GNE: variants seen among roughly 807,000 people sequenced by gnomAD.
GNE encodes the protein glucosamine (UDP-N-acetyl)-2-epimerase/N-acetylmannosamine kinase.
GNE carries 41 observed loss-of-function variants against 61.8 expected under a neutral mutation model. The observed-to-expected ratio is 0.66, with a 90% confidence interval of 0.52 to 0.86. The LOEUF (loss-of-function observed/expected upper bound fraction) is 0.86, where lower values mean the gene tolerates loss of function less well. GNE is among the 40% of genes least tolerant of loss of function. The pLI, the probability that GNE is intolerant of heterozygous loss-of-function variation, is 0.00. For missense variants in GNE, 608 were observed against 909.1 expected (o/e 0.67, Z 4.26); for synonymous variants, 264 against 326.4 (o/e 0.81, Z 2.06).
intron 9 of GNE, among the ~76,000 whole-genome samples, chr9:36,220,422 G>A (rs1381352983): frequency 6.6e-6 from 1 of 152,194 alleles, no homozygotes; most frequent in Non-Finnish European, 1.5e-5. Flanking sequence ...ACCTGCAACC[G>A]AGGCAAGGCA....
chr9:36,250,806 G>A (rs1458488403), intron 1 of GNE, among the ~76,000 whole-genome samples: 1 of 152,110 alleles, frequency 6.6e-6, no homozygotes, highest in South Asian at 2.1e-4. Context: ...TCAGCCTCCC[G>A]AGTAGCTGGG....
chr9:36,236,179 A>G (rs2133075491), intron 4 of GNE, among the ~76,000 whole-genome samples: 1 of 152,230 alleles, frequency 6.6e-6, no homozygotes, highest in Admixed American at 6.5e-5. Context: ...TGGAATCACT[A>G]CTTTTCTAGA....
chr9:36,239,465 CTT>C (rs1829544034), intron 3 of GNE, among the ~76,000 whole-genome samples: 1 of 151,376 alleles, frequency 6.6e-6, no homozygotes. Flanking sequence ...ATCTTTCTTT[CTT>C]TTTCTCTCTT....
At chr9:36,231,882 T>C (rs1829169249) in intron 5 of GNE, among the ~76,000 whole-genome samples, 1 of 152,244 alleles carries the variant, frequency 6.6e-6, no homozygotes, top group Non-Finnish European at 1.5e-5. Context: ...CTTTGATATC[T>C]AATAGGCATC....
Position 36,240,913 on chromosome 9 carries a change from T to G in GNE, c.617-3929A>C, listed in dbSNP as rs555801482. On this transcript the variant is annotated intron_variant, in intron 3 of 11. Coordinates refer to ENST00000642385, the MANE Select transcript of GNE (RefSeq NM_005476.7). ...ATTTTTCCAGGAATTTGTCCATCTCTTCTAGGTTTTCTAGTTTATGTGTGT... is the reference window on the plus strand; with the variant it reads ...ATTTTTCCAGGAATTTGTCCATCTCGTCTAGGTTTTCTAGTTTATGTGTGT... Among the ~76,000 whole-genome samples the G allele has an allele frequency of 5.9e-5, 9 of 152,302 alleles. No homozygotes were observed. In the South Asian group the frequency reaches 6.2e-4, roughly 11 times the overall value.
In GNE at chr9:36,223,298, C is replaced by T. The variant is rs192091370; in HGVS notation, c.1411+75G>A. Reference sequence around the variant, plus strand: ...ACAGGGCAGACACTGACTTGATGCTCAGGCATGCATCACAAGTTAGTAAAT... The same window carrying T: ...ACAGGGCAGACACTGACTTGATGCTTAGGCATGCATCACAAGTTAGTAAAT... On this transcript the variant is annotated intron_variant, in intron 8 of 11. Coordinates refer to ENST00000642385, the MANE Select transcript of GNE (RefSeq NM_005476.7). 529 of 1,324,334 alleles carry T rather than the reference C, an allele frequency of 4.0e-4. 2 individuals are homozygous for T. Among genetic ancestry groups the T allele is most frequent in the Admixed American group, 6.4e-4 (38 of 59,538 alleles). The allele number at this position is 1,324,334 out of a possible 1,614,324, so 82.0% of individuals were successfully genotyped here. A position where few individuals can be genotyped will look rare whatever the true frequency, so the allele number is the denominator to read the frequency against.
At chr9:36,250,135 A>G (rs1830059484) in intron 1 of GNE, among the ~76,000 whole-genome samples, 1 of 152,174 alleles carries the variant, frequency 6.6e-6, no homozygotes, top group South Asian at 2.1e-4. Context: ...CCATCACTTT[A>G]TAGAAAGGGA....
At position 36,216,009 on chromosome 9, in the gene GNE, G is replaced by T. The variant is rs921104780; in HGVS notation, c.*1356C>A. The stretch of plus-strand genomic sequence containing the variant: ...GCTGTCCTAAGAAGATAAGGACAAG[G>T]TCACTAAGGCCACTGTAATTTAGAT... On this transcript the variant is annotated 3_prime_UTR_variant, in exon 12 of 12. Coordinates refer to ENST00000642385, the MANE Select transcript of GNE (RefSeq NM_005476.7). 1 of 289,656 alleles carries T rather than the reference G, an allele frequency of 3.5e-6. No homozygotes were observed. Among genetic ancestry groups the T allele is most frequent in the Non-Finnish European group, 6.9e-6 (1 of 143,944 alleles). 17.9% of individuals were successfully genotyped at this position (289,656 alleles called of 1,614,324 possible).
chr9:36,239,472 T>C lies in GNE; in HGVS notation c.617-2488A>G, dbSNP rs540324412. On this transcript the variant is annotated intron_variant, in intron 3 of 11. Coordinates refer to ENST00000642385, the MANE Select transcript of GNE (RefSeq NM_005476.7). ...TTCTTTCTATCTTTCTTTCTTTTTCTCTCTTTTTTTTTTCTTTTTGATGTA... is the reference window on the plus strand; with the variant it reads ...TTCTTTCTATCTTTCTTTCTTTTTCCCTCTTTTTTTTTTCTTTTTGATGTA... Among the ~76,000 whole-genome samples, 3 of 151,898 alleles carry C rather than the reference T, an allele frequency of 2.0e-5. No homozygotes were observed. In the East Asian group the frequency reaches 5.8e-4, roughly 29 times the overall value.
In GNE at chr9:36,249,269, C is replaced by A; in HGVS notation, c.87G>T (p.Met29Ile). 1 of 1,614,192 alleles carries A rather than the reference C, an allele frequency of 6.2e-7. No individual in the cohort carries two copies. The highest frequency in any genetic ancestry group is 8.5e-7 in the Non-Finnish European group (1 of 1,180,020). ...RADYSKLAPI[M>I]FGIKTEPEFF... ...ACTCAGGTTCGGTTTTAATGCCAAA[C>A]ATGATCGGGGCAAGTTTAGAATAAT... is the stretch of plus-strand genomic sequence containing the variant. The change falls in exon 2 of 12, where the codon ATG becomes ATT. Residue 29 changes from methionine to isoleucine, a missense_variant. Coordinates refer to ENST00000642385, the MANE Select transcript of GNE (RefSeq NM_005476.7).
intron 3 of GNE, among the ~76,000 whole-genome samples, chr9:36,243,891 A>C (rs1829752195): frequency 6.6e-6 from 1 of 151,914 alleles, no homozygotes; most frequent in African/African-American, 2.4e-5. Flanking sequence ...GATTAAAAAT[A>C]TACAAAATCT....
At chr9:36,227,488 T>C (rs1828932634) in intron 6 of GNE, 30 bp from the exon 7 acceptor site, 1 of 1,338,374 alleles carries the variant, frequency 7.5e-7, no homozygotes, top group Non-Finnish European at 1.1e-6. Context: ...AATTAAATTA[T>C]ATGCTTCTGC....
intron 1 of GNE, among the ~76,000 whole-genome samples, chr9:36,274,785 C>T (rs187006026): frequency 4.8e-4 from 73 of 151,496 alleles, no homozygotes; most frequent in African/African-American, 1.6e-3. Flanking sequence ...TGCCGTGGCG[C>T]GATCTCTGTT....
At chr9:36,249,060 G>A (rs925713044) in intron 2 of GNE, 132 bp downstream of exon 2, 8 of 719,360 alleles carry the variant, frequency 1.1e-5, no homozygotes, top group East Asian at 7.9e-5. Flanking sequence ...GAGATGCTAA[G>A]TGACTACTCT....
upstream of GNE, chr9:36,263,217 C>T: frequency 6.5e-6 from 1 of 154,760 alleles, no homozygotes; most frequent in South Asian, 1.8e-4. Context: ...CTTGCCCAGG[C>T]TGGAGTGCAA....
At chr9:36,260,858 G>T (rs1666426090), upstream of GNE, among the ~76,000 whole-genome samples, 2 of 106,456 alleles carry the variant, frequency 1.9e-5, no homozygotes. Flanking sequence ...AACAGAGCGA[G>T]ACTCTATCTC....
Position 36,216,338 on chromosome 9 carries a change from T to TGTGTGCGTGTGTGTGTGTGTGTGTGC in GNE, c.*1026_*1027insGCACACACACACACACACACGCACAC, listed in dbSNP as rs1467099121. The TGTGTGCGTGTGTGTGTGTGTGTGTGC allele has an allele frequency of 7.2e-6, 3 of 419,122 alleles. No individual in the cohort carries two copies. The highest frequency in any genetic ancestry group is 1.5e-5 in the Non-Finnish European group (3 of 201,642). The allele number at this position is 419,122 out of a possible 1,614,324, so 26.0% of individuals were successfully genotyped here. A position where few individuals can be genotyped will look rare whatever the true frequency, so the allele number is the denominator to read the frequency against. On this transcript the variant is annotated 3_prime_UTR_variant, in exon 12 of 12. Transcript: ENST00000642385. ...TTAGAGGAGGAAGGATGTGTGTGTG[T>TGTGTGCGTGTGTGTGTGTGTGTGTGC]GTGTGTGTGTGTGTGTAGACGGAGT...
At position 36,217,184 on chromosome 9, in the gene GNE, C is replaced by G; in HGVS notation, c.*181G>C. The G allele has an allele frequency of 1.6e-6, 1 of 638,494 alleles. No homozygotes were observed. The highest frequency in any genetic ancestry group is 2.7e-5 in the East Asian group (1 of 36,392). 39.6% of individuals were successfully genotyped at this position (638,494 alleles called of 1,614,324 possible). A position where few individuals can be genotyped will look rare whatever the true frequency, so the allele number is the denominator to read the frequency against. On this transcript the variant is annotated 3_prime_UTR_variant, in exon 12 of 12. Coordinates refer to ENST00000642385, the MANE Select transcript of GNE (RefSeq NM_005476.7). ...AAGACATCAGAAAGAATAGCATCTA[C>G]AAAAATAGGAGTGGGGAAAGGTGAC...
At chr9:36,265,410 T>A (rs1830742023) in intron 1 of GNE, 1 of 456,646 alleles carries the variant, frequency 2.2e-6, no homozygotes, top group Non-Finnish European at 4.4e-6. Flanking sequence ...GTCTGCCATG[T>A]TGTTTTCTAG....
Sources: gnomAD v4.1 joint callset for allele counts (sites outside exome capture counted in the v4.1 genomes callset) on GRCh38, gnomAD v4.1.1 for gene constraint, MANE v1.5 for transcripts, NCBI Gene and HGNC (gene_info 2026-07-23, HGNC 2026-07-21) for gene names.